Variants in EML4 observed in about 807,000 individuals in gnomAD.
EML4 encodes EMAP like 4, also known as echinoderm microtubule-associated protein-like 4.
A neutral mutation model predicts 129.0 loss-of-function variants in EML4; 72 were observed. The observed-to-expected ratio is 0.56, with a 90% CI of 0.46 to 0.68. EML4 has a LOEUF of 0.68. Among genes scored for constraint, EML4 ranks in the 30% least tolerant of loss-of-function variants. The pLI is 0.00. For missense variants in EML4, 1,363 were observed against 1,190.6 expected, an observed-to-expected ratio of 1.14 and a Z score of -2.13; for synonymous variants, 532 against 405.0, an observed-to-expected ratio of 1.31 and a Z score of -3.77.
At chr2:42,212,233 G>A (rs1031124574) in intron 1 of EML4, among the ~76,000 whole-genome samples, 5 of 152,118 alleles carry the variant, frequency 3.3e-5, no homozygotes, top group Non-Finnish European at 7.4e-5. Context: ...CTGATCATCT[G>A]TTAAGATAAA....
chr2:42,261,092 A>G (rs768230707), intron 3 of EML4, 29 bp from the exon 4 acceptor site: 10 of 1,519,178 alleles, frequency 6.6e-6, no homozygotes, highest in Non-Finnish European at 9.0e-6. Flanking sequence ...TTAAATGTGT[A>G]TTGTTCCATG....
chr2:42,266,676 C>T (rs1249745609), intron 6 of EML4, among the ~76,000 whole-genome samples: 14 of 149,558 alleles, frequency 9.4e-5, no homozygotes, highest in Non-Finnish European at 2.1e-4. Context: ...TAAATAGAGT[C>T]GGCGGTATGT....
chr2:42,169,361 C>G lies in EML4; in HGVS notation c.-251C>G, dbSNP rs1430490648. The G allele has an allele frequency of 5.0e-6, 1 of 201,312 alleles. No homozygotes were observed. The highest frequency in any genetic ancestry group is 8.2e-5 in the East Asian group (1 of 12,122). The allele number at this position is 201,312 out of a possible 1,614,324, so 12.5% of individuals were successfully genotyped here. ...GCGGGGCGCGGCGCGGCGCGGCGCT[C>G]GCGGCTGCTGCCTGGGAGGGAGGCC... On this transcript the variant is annotated 5_prime_UTR_variant, in exon 1 of 23. Transcript: ENST00000318522.
At chr2:42,254,867 CA>C (rs1676023520) in intron 2 of EML4, among the ~76,000 whole-genome samples, 1 of 151,822 alleles carries the variant, frequency 6.6e-6, no homozygotes, top group Admixed American at 6.6e-5. Flanking sequence ...TCCCATTAGC[CA>C]AAAGGTGGAA....
At chr2:42,253,276 G>A (rs928011218) in intron 2 of EML4, among the ~76,000 whole-genome samples, 1 of 152,184 alleles carries the variant, frequency 6.6e-6, no homozygotes, top group African/African-American at 2.4e-5. Context: ...CATCCTGAAG[G>A]TAGTGGAGAG....
chr2:42,278,571 C>T (rs1269962256), intron 6 of EML4, among the ~76,000 whole-genome samples: 1 of 58,536 alleles, frequency 1.7e-5, no homozygotes, highest in African/African-American at 8.7e-5. Context: ...GGGACTCCAT[C>T]TCAAAAAAAA....
chr2:42,285,663 A>G (rs1667260394), intron 9 of EML4, among the ~76,000 whole-genome samples: 1 of 151,358 alleles, frequency 6.6e-6, no homozygotes, highest in African/African-American at 2.4e-5. Flanking sequence ...CAGTGGCACA[A>G]TATTGGCTCA....
chr2:42,237,046 CT>C (rs1247416263), intron 1 of EML4, among the ~76,000 whole-genome samples: 1 of 152,140 alleles, frequency 6.6e-6, no homozygotes, highest in Non-Finnish European at 1.5e-5. Context: ...TCAGGTCATC[CT>C]CCCACCTCAG....
At chr2:42,278,545 G>A (rs942097230) in intron 6 of EML4, among the ~76,000 whole-genome samples, 1 of 120,374 alleles carries the variant, frequency 8.3e-6, no homozygotes, top group African/African-American at 3.3e-5. Flanking sequence ...CTGCACTCCA[G>A]CCTGGGTGAC....
intron 1 of EML4, among the ~76,000 whole-genome samples, chr2:42,211,847 T>A (rs1672903693): frequency 6.6e-6 from 1 of 152,160 alleles, no homozygotes. Flanking sequence ...TTTTTCTTTC[T>A]TTCTTTTTTT....
chr2:42,278,573 C>CAAAAA (rs35916382), intron 6 of EML4, among the ~76,000 whole-genome samples: 10 of 54,286 alleles, frequency 1.8e-4, no homozygotes, highest in East Asian at 6.7e-4. Context: ...GACTCCATCT[C>CAAAAA]AAAAAAAAAA....
chr2:42,276,841 C>G (rs978758574), intron 6 of EML4, among the ~76,000 whole-genome samples: 6 of 152,154 alleles, frequency 3.9e-5, no homozygotes, highest in Admixed American at 3.3e-4. Context: ...GTTTGAAGTG[C>G]TTAGGTTATA....
At chr2:42,275,083 A>G (rs1017581316) in intron 6 of EML4, among the ~76,000 whole-genome samples, 2 of 152,180 alleles carry the variant, frequency 1.3e-5, no homozygotes, top group Admixed American at 6.6e-5. Context: ...GCACTGCCTA[A>G]TGGAAATACA....
chr2:42,250,987 G>A lies in EML4; in HGVS notation c.208+5300G>A, dbSNP rs1222057510. On this transcript the variant is annotated intron_variant, in intron 2 of 22. Coordinates refer to ENST00000318522, the MANE Select transcript of EML4 (RefSeq NM_019063.5). ...CCCTCACATGTACAGTTCACAATAG[G>A]ATTTGTGCTCCTATGAGAATCTAAT... 5.3e-5 allele frequency among the ~76,000 whole-genome samples: 8 copies of A among 152,222 alleles called. No individual in the cohort carries two copies. In the East Asian group the frequency reaches 9.7e-4, roughly 18 times the overall value.
chr2:42,210,145 C>T (rs1252954497), intron 1 of EML4, among the ~76,000 whole-genome samples: 3 of 152,100 alleles, frequency 2.0e-5, no homozygotes, highest in Admixed American at 2.0e-4. Context: ...TTAAGATTTA[C>T]TTAGTTTTTA....
At position 42,304,531 on chromosome 2, in the gene EML4, C is replaced by T; in HGVS notation, c.1947C>T (p.Ala649=). The T allele has an allele frequency of 6.2e-7, 1 of 1,613,992 alleles. No individual in the cohort carries two copies. Among genetic ancestry groups the T allele is most frequent in the Non-Finnish European group, 8.5e-7 (1 of 1,179,898 alleles). The change falls in exon 17 of 23, where the codon GCC becomes GCT. Residue 649 remains alanine, a synonymous_variant. Transcript: ENST00000318522. ...ADFHPSGTVV[A]IGTHSGRWFV... is the part of the protein sequence containing the mutation. ...TTCATCCAAGTGGCACAGTGGTGGC[C>T]ATAGGAACGCACTCAGGCAGGTAGG...
chr2:42,325,597 T>C, intron 20 of EML4, 43 bp downstream of exon 20: 1 of 116,944 alleles, frequency 8.6e-6, no homozygotes, highest in Non-Finnish European at 1.7e-5. Context: ...ATGCTATGAT[T>C]ATATTTATAT....
chr2:42,214,998 T>A (rs756882816), intron 1 of EML4, among the ~76,000 whole-genome samples: 1 of 152,100 alleles, frequency 6.6e-6, no homozygotes, highest in African/African-American at 2.4e-5. Flanking sequence ...GGTAGGCGTG[T>A]TTCATTGGGG....
intron 2 of EML4, among the ~76,000 whole-genome samples, chr2:42,253,592 A>T (rs926941963): frequency 6.6e-6 from 1 of 152,162 alleles, no homozygotes; most frequent in Admixed American, 6.5e-5. Flanking sequence ...ACATAATCCA[A>T]AAGAGAAATT....
Sources: gnomAD v4.1 joint callset for allele counts (sites outside exome capture counted in the v4.1 genomes callset) on GRCh38, gnomAD v4.1.1 for gene constraint, MANE v1.5 for transcripts, NCBI Gene and HGNC (gene_info 2026-07-23, HGNC 2026-07-21) for gene names.